MYO16: variants seen among roughly 807,000 people sequenced by gnomAD.
MYO16 encodes the protein myosin XVI.
A neutral mutation model predicts 205.3 loss-of-function variants in MYO16; 94 were observed. The observed-to-expected ratio is 0.46, with a 90% CI of 0.39 to 0.54. The LOEUF (loss-of-function observed/expected upper bound fraction) is 0.54. Among genes scored for constraint, MYO16 ranks in the 20% least tolerant of loss-of-function variants. The pLI, the probability that MYO16 is intolerant of heterozygous loss-of-function variation, is 0.00. For synonymous variants in MYO16, 988 were observed against 954.0 expected (o/e 1.04, Z -0.66); for missense variants, 2,315 against 2,387.5 (o/e 0.97, Z 0.63).
At chr13:108,778,631 T>C (rs1288231171) in intron 4 of MYO16, among the ~76,000 whole-genome samples, 3 of 151,894 alleles carry the variant, frequency 2.0e-5, no homozygotes, top group Admixed American at 6.6e-5. Flanking sequence ...AAAATATATA[T>C]TTTTTTTCTG....
At chr13:109,071,846 A>G (rs1183305630) in intron 27 of MYO16, among the ~76,000 whole-genome samples, 1 of 152,176 alleles carries the variant, frequency 6.6e-6, no homozygotes, top group African/African-American at 2.4e-5. Flanking sequence ...TGAAAGATAC[A>G]TTTGAGGCAA....
chr13:108,645,959 G>T (rs1376166600), intron 1 of MYO16, among the ~76,000 whole-genome samples: 1 of 152,178 alleles, frequency 6.6e-6, no homozygotes, highest in Non-Finnish European at 1.5e-5. Context: ...GGACTCAAGA[G>T]CCAGGTGGGA....
In MYO16 at chr13:109,135,162, G is replaced by T. The variant is rs903051573; in HGVS notation, c.4052-5102G>T. On this transcript the variant is annotated intron_variant, in intron 31 of 34. Coordinates refer to ENST00000457511, the MANE Select transcript of MYO16 (RefSeq NM_001198950.3). ...GCAAAATGCATCAGAGGGACAGGTA[G>T]AGAATAACTGATGCATGCTTCTGCT... Among the ~76,000 whole-genome samples, 3 of 152,218 alleles carry T rather than the reference G, an allele frequency of 2.0e-5. No individual in the cohort carries two copies. The East Asian group carries it at 5.8e-4, about 29-fold the overall frequency.
At chr13:108,894,610 T>C (rs981162413) in intron 14 of MYO16, among the ~76,000 whole-genome samples, 2 of 152,146 alleles carry the variant, frequency 1.3e-5, no homozygotes, top group African/African-American at 4.8e-5. Flanking sequence ...TTTTGGTGAT[T>C]ATATGCAGGT....
chr13:108,563,474 C>G, the MYO16 span, among the ~76,000 whole-genome samples: 6 of 152,106 alleles, frequency 3.9e-5, no homozygotes, highest in African/African-American at 1.4e-4. Context: ...ACAACCTCCC[C>G]CCAACACACT....
At chr13:109,052,246 TGC>T in intron 24 of MYO16, 52 bp from the exon 25 acceptor site, 1 of 1,476,368 alleles carries the variant, frequency 6.8e-7, no homozygotes, top group Non-Finnish European at 9.4e-7. Context: ...ATAAGTTCAA[TGC>T]TTAAGTAATA....
chr13:108,799,892 A>C (rs1212705058), intron 6 of MYO16, among the ~76,000 whole-genome samples: 2 of 152,192 alleles, frequency 1.3e-5, no homozygotes, highest in Admixed American at 1.3e-4. Flanking sequence ...GAGGGAGCAG[A>C]TAGGGAAGAG....
intron 34 of MYO16, among the ~76,000 whole-genome samples, chr13:109,182,105 ACTGCAC>A (rs1320160428): frequency 6.6e-6 from 1 of 152,182 alleles, no homozygotes; most frequent in Non-Finnish European, 1.5e-5. Flanking sequence ...GGCGGGAGCC[ACTGCAC>A]CTGGCCTGTT....
intron 22 of MYO16, among the ~76,000 whole-genome samples, chr13:109,012,711 G>C (rs1885642894): frequency 2.0e-5 from 3 of 151,678 alleles, no homozygotes; most frequent in Admixed American, 2.0e-4. Flanking sequence ...ATTAGAGGTT[G>C]GGAAGTGATT....
intron 33 of MYO16, among the ~76,000 whole-genome samples, chr13:109,165,658 C>T (rs1251441647): frequency 6.6e-6 from 1 of 152,106 alleles, no homozygotes; most frequent in African/African-American, 2.4e-5. Flanking sequence ...CGTGGGAGAA[C>T]CATCATGATG....
At chr13:109,009,247 A>C (rs1885511521) in intron 22 of MYO16, among the ~76,000 whole-genome samples, 198 bp downstream of exon 22, 1 of 152,240 alleles carries the variant, frequency 6.6e-6, no homozygotes, top group South Asian at 2.1e-4. Context: ...ATTCATTAAA[A>C]GGACAAGAAA....
chr13:108,855,641 A>G, intron 11 of MYO16, 88 bp downstream of exon 11: 1 of 890,460 alleles, frequency 1.1e-6, no homozygotes, highest in South Asian at 2.2e-5. Flanking sequence ...TTGCAAGTAA[A>G]GGGCTCATTG....
At chr13:108,540,883 T>A in the MYO16 span, among the ~76,000 whole-genome samples, 1 of 152,172 alleles carries the variant, frequency 6.6e-6, no homozygotes, top group Non-Finnish European at 1.5e-5. Context: ...GAAAGTCCTG[T>A]CTTATTCACA....
At chr13:108,746,557 C>T (rs1367156686) in intron 4 of MYO16, among the ~76,000 whole-genome samples, 1 of 151,918 alleles carries the variant, frequency 6.6e-6, no homozygotes, top group Non-Finnish European at 1.5e-5. Context: ...GAAAAGGCGA[C>T]ATTTATTATG....
At chr13:108,717,778 G>A (rs201414763) in intron 3 of MYO16, among the ~76,000 whole-genome samples, 7 of 152,132 alleles carry the variant, frequency 4.6e-5, no homozygotes, top group South Asian at 2.1e-4. Context: ...AACAGCCAAC[G>A]GAGGATCTTG....
At chr13:108,777,979 G>A (rs9514907) in intron 4 of MYO16, among the ~76,000 whole-genome samples, 51,590 of 151,948 alleles carry the variant, frequency 0.34, 9,950 homozygotes, top group East Asian at 0.63. Flanking sequence ...TTCATATCCA[G>A]TCTCTCTTGT....
At chr13:109,154,590 C>G (rs916840167) in intron 32 of MYO16, among the ~76,000 whole-genome samples, 1 of 152,052 alleles carries the variant, frequency 6.6e-6, no homozygotes, top group South Asian at 2.1e-4. Context: ...GCACCACTAG[C>G]TTACCATCCA....
chr13:108,779,369 T>C (rs567035547), intron 4 of MYO16, among the ~76,000 whole-genome samples: 18 of 152,290 alleles, frequency 1.2e-4, no homozygotes, highest in African/African-American at 4.1e-4. Context: ...CAAAACTATT[T>C]AATGTGATCA....
At chr13:108,548,239 GGTGGTGGCA>G in the MYO16 span, among the ~76,000 whole-genome samples, 1 of 151,790 alleles carries the variant, frequency 6.6e-6, no homozygotes, top group Non-Finnish European at 1.5e-5. Flanking sequence ...TGGTGGTGGT[GGTGGTGGCA>G]GTGGTGGTGG....
Sources: gnomAD v4.1 joint callset for allele counts (sites outside exome capture counted in the v4.1 genomes callset) on GRCh38, gnomAD v4.1.1 for gene constraint, MANE v1.5 for transcripts, NCBI Gene and HGNC (gene_info 2026-07-23, HGNC 2026-07-21) for gene names.